The following MACROD2 variants were observed in gnomAD, a reference collection of about 807,000 sequenced individuals.
The protein encoded by MACROD2 is ADP-ribose glycohydrolase MACROD2.
A neutral mutation model predicts 70.4 loss-of-function variants in MACROD2; 36 were observed. That is an observed-to-expected ratio of 0.51 (90% CI 0.39 to 0.68). The LOEUF (loss-of-function observed/expected upper bound fraction) is 0.68, where lower values mean the gene tolerates loss of function less well. Among genes scored for constraint, MACROD2 ranks in the 30% least tolerant of loss-of-function variants. MACROD2 has a pLI of 0.00. For synonymous variants in MACROD2, 172 were observed against 178.8 expected, an observed-to-expected ratio of 0.96 and a Z score of 0.30; for missense variants, 496 against 538.4, an observed-to-expected ratio of 0.92 and a Z score of 0.78.
intron 8 of MACROD2, among the ~76,000 whole-genome samples, chr20:15,553,583 T>C (rs1279722683): frequency 6.6e-6 from 1 of 152,046 alleles, no homozygotes; most frequent in Non-Finnish European, 1.5e-5. Flanking sequence ...CATGCCCAGC[T>C]AATTTTTGTA....
rs1279046920 is a variant in MACROD2, at chr20:15,891,734, C to T, written c.775+5923C>T. On this transcript the variant is annotated intron_variant, in intron 10 of 17. Coordinates refer to ENST00000684519, the MANE Select transcript of MACROD2 (RefSeq NM_001351661.2). Reference sequence around the variant, plus strand: ...TAAATTTCTGGGTAGATAGTAATACCATTCCTTGAGATGTGCAATACTGTG... The same window carrying T: ...TAAATTTCTGGGTAGATAGTAATACTATTCCTTGAGATGTGCAATACTGTG... 2.0e-5 allele frequency among the ~76,000 whole-genome samples: 3 copies of T among 152,126 alleles called. No individual in the cohort carries two copies. The East Asian group carries it at 5.8e-4, about 29-fold the overall frequency.
chr20:15,352,820 G>A (rs2146227026), intron 6 of MACROD2, among the ~76,000 whole-genome samples: 1 of 152,070 alleles, frequency 6.6e-6, no homozygotes, highest in East Asian at 1.9e-4. Context: ...TCTTCAAGGA[G>A]AACTACAAAC....
At chr20:15,137,028 A>G (rs2076153613) in intron 5 of MACROD2, among the ~76,000 whole-genome samples, 1 of 150,076 alleles carries the variant, frequency 6.7e-6, no homozygotes, top group Non-Finnish European at 1.5e-5. Flanking sequence ...CACACCAGTT[A>G]GAATGGCAAT....
At chr20:14,798,934 A>G (rs1365796548) in intron 5 of MACROD2, among the ~76,000 whole-genome samples, 1 of 151,994 alleles carries the variant, frequency 6.6e-6, no homozygotes, top group Non-Finnish European at 1.5e-5. Context: ...AAATCGGGAC[A>G]GATTTTTCTG....
intron 3 of MACROD2, among the ~76,000 whole-genome samples, chr20:14,279,990 GA>G (rs766151207): frequency 2.0e-5 from 3 of 152,172 alleles, no homozygotes; most frequent in Non-Finnish European, 4.4e-5. Context: ...GTCTTACAGA[GA>G]AAGAGGGTAT....
intron 6 of MACROD2, among the ~76,000 whole-genome samples, chr20:15,256,551 A>G (rs922544609): frequency 1.3e-5 from 2 of 152,048 alleles, no homozygotes; most frequent in African/African-American, 2.4e-5. Flanking sequence ...TCCCAATTAT[A>G]TAGTAACTAT....
chr20:14,420,532 C>G (rs2122892645), intron 3 of MACROD2, among the ~76,000 whole-genome samples: 1 of 152,186 alleles, frequency 6.6e-6, no homozygotes, highest in Non-Finnish European at 1.5e-5. Context: ...GGAAAAATGT[C>G]TATTCAAATC....
intron 15 of MACROD2, among the ~76,000 whole-genome samples, chr20:16,005,879 C>A (rs1050117752): frequency 2.0e-5 from 3 of 152,158 alleles, no homozygotes; most frequent in African/African-American, 7.2e-5. Flanking sequence ...CTTCCTTTTC[C>A]CCTATTGTTC....
intron 5 of MACROD2, among the ~76,000 whole-genome samples, chr20:14,885,807 G>A (rs1026371678): frequency 2.6e-5 from 4 of 151,998 alleles, no homozygotes; most frequent in South Asian, 2.1e-4. Flanking sequence ...TAATTCAGTC[G>A]CATTCTTTAG....
At chr20:16,045,774 A>G (rs947098277) in intron 17 of MACROD2, among the ~76,000 whole-genome samples, 1 of 152,132 alleles carries the variant, frequency 6.6e-6, no homozygotes. Context: ...CTCACCCTGC[A>G]TGAAGAGATG....
At chr20:14,912,618 C>T (rs999429920) in intron 5 of MACROD2, among the ~76,000 whole-genome samples, 15 of 152,066 alleles carry the variant, frequency 9.9e-5, no homozygotes, top group South Asian at 6.2e-4. Context: ...AGGTGAATTG[C>T]GACTGTTGAA....
In MACROD2 at chr20:15,816,190, A is replaced by G. The variant is rs148413098; in HGVS notation, c.646-46555A>G. On this transcript the variant is annotated intron_variant, in intron 8 of 17. Coordinates refer to ENST00000684519, the MANE Select transcript of MACROD2 (RefSeq NM_001351661.2). ...AATATGAGAAGAGTGAGAAGAGTTC[A>G]TGGTAGGAAGGTCAATGAATTGATA... Among the ~76,000 whole-genome samples the G allele has an allele frequency of 3.4e-3, 525 of 152,280 alleles. 5 individuals are homozygous for G. The highest frequency in any genetic ancestry group is 0.012 in the African/African-American group (495 of 41,558).
chr20:15,907,460 A>G (rs1181633572), intron 10 of MACROD2, among the ~76,000 whole-genome samples: 1 of 152,234 alleles, frequency 6.6e-6, no homozygotes, highest in African/African-American at 2.4e-5. Context: ...TTTGGTGTTT[A>G]GGGTTTCTAA....
chr20:14,018,349 T>C (rs1403294505), intron 2 of MACROD2, among the ~76,000 whole-genome samples: 1 of 152,136 alleles, frequency 6.6e-6, no homozygotes, highest in Non-Finnish European at 1.5e-5. Context: ...TTAAGTTCCT[T>C]AGGTGTAAAG....
At chr20:14,417,066 C>CATCTATCTATCTATCT in intron 3 of MACROD2, among the ~76,000 whole-genome samples, 1 of 132,604 alleles carries the variant, frequency 7.5e-6, no homozygotes, top group East Asian at 3.6e-4. Flanking sequence ...ATCTATCTAT[C>CATCTATCTATCTATCT]ATCTATCTAT....
chr20:14,084,743 C>T (rs920944617), intron 2 of MACROD2, among the ~76,000 whole-genome samples: 1 of 151,764 alleles, frequency 6.6e-6, no homozygotes, highest in African/African-American at 2.4e-5. Flanking sequence ...CCCTCTAGAG[C>T]AAAAGGTAAA....
At chr20:14,909,261 A>G (rs897408094) in intron 5 of MACROD2, among the ~76,000 whole-genome samples, 3 of 152,138 alleles carry the variant, frequency 2.0e-5, no homozygotes, top group African/African-American at 7.2e-5. Context: ...AGCCACTGGC[A>G]GAAGATTACT....
chr20:15,785,459 T>C lies in MACROD2; in HGVS notation c.646-77286T>C, dbSNP rs572783116. The stretch of plus-strand genomic sequence containing the variant: ...CTGAAAGACGTATCTAAGAATTCTT[T>C]ACATCGAGTTGTAAAACCTCAGGTC... On this transcript the variant is annotated intron_variant, in intron 8 of 17. Coordinates refer to ENST00000684519, the MANE Select transcript of MACROD2 (RefSeq NM_001351661.2). Among the ~76,000 whole-genome samples the C allele has an allele frequency of 1.6e-4, 24 of 152,334 alleles. 1 individual carries two copies. In the South Asian group the frequency reaches 4.6e-3, roughly 29 times the overall value.
intron 5 of MACROD2, among the ~76,000 whole-genome samples, chr20:14,825,968 G>A (rs1473710774): frequency 6.6e-6 from 1 of 152,098 alleles, no homozygotes; most frequent in Non-Finnish European, 1.5e-5. Context: ...CTTCAATAAG[G>A]AGATAGGCTT....
Sources: gnomAD v4.1 joint callset for allele counts (sites outside exome capture counted in the v4.1 genomes callset) on GRCh38, gnomAD v4.1.1 for gene constraint, MANE v1.5 for transcripts, NCBI Gene and HGNC (gene_info 2026-07-23, HGNC 2026-07-21) for gene names.